Variants in FYN observed in about 807,000 individuals in gnomAD.
FYN encodes tyrosine-protein kinase Fyn.
A neutral mutation model predicts 70.2 loss-of-function variants in FYN; 10 were observed. That is an observed-to-expected ratio of 0.14 (90% CI 0.09 to 0.24). The LOEUF is 0.24. Ranked by LOEUF, FYN falls within the 10% of genes least tolerant of loss-of-function variation. The pLI, the probability that FYN is intolerant of heterozygous loss-of-function variation, is 1.00. For synonymous variants in FYN, 236 were observed against 248.6 expected (o/e 0.95, Z 0.48); for missense variants, 319 against 673.1 (o/e 0.47, Z 5.82).
At chr6:111,734,535 T>G (rs1474776643) in intron 3 of FYN, among the ~76,000 whole-genome samples, 1 of 152,236 alleles carries the variant, frequency 6.6e-6, no homozygotes, top group Non-Finnish European at 1.5e-5. Context: ...CAACCAACTC[T>G]GGCATTCATG....
intron 8 of FYN, among the ~76,000 whole-genome samples, chr6:111,700,556 G>T (rs1366776364): frequency 2.0e-5 from 3 of 152,300 alleles, no homozygotes; most frequent in East Asian, 1.9e-4. Flanking sequence ...TACTCCATGA[G>T]CCCAGGTACG....
intron 2 of FYN, among the ~76,000 whole-genome samples, chr6:111,836,203 C>G (rs1331872181): frequency 1.3e-5 from 2 of 152,176 alleles, no homozygotes; most frequent in African/African-American, 2.4e-5. Context: ...AGAAAGGCAT[C>G]TGAGGTGGCC....
intron 1 of FYN, chr6:111,858,353 C>T (rs1439961618): frequency 4.6e-5 from 7 of 152,214 alleles, no homozygotes; most frequent in African/African-American, 1.7e-4. Context: ...TGCTAGATCT[C>T]AGTGACCCAT....
At chr6:111,816,572 C>T (rs1242892718) in intron 2 of FYN, among the ~76,000 whole-genome samples, 8 of 152,230 alleles carry the variant, frequency 5.3e-5, no homozygotes, top group Admixed American at 2.0e-4. Flanking sequence ...GTTAAAACTC[C>T]CATTCCAAGC....
intron 12 of FYN, among the ~76,000 whole-genome samples, chr6:111,675,784 G>A (rs12192327): frequency 0.19 from 28,533 of 150,988 alleles, 3,499 homozygotes; most frequent in African/African-American, 0.34. Flanking sequence ...CAGAGCAAGA[G>A]TCCGTCTCAG....
At chr6:111,708,199 C>T (rs1022647) in intron 5 of FYN, 179 bp from the exon 6 acceptor site, 77,278 of 549,966 alleles carry the variant, frequency 0.14, 6,611 homozygotes, top group South Asian at 0.33. Flanking sequence ...GGTTCCAGTT[C>T]GAGTCAGCCA....
At chr6:111,815,436 A>C (rs1772455627) in intron 2 of FYN, among the ~76,000 whole-genome samples, 1 of 152,242 alleles carries the variant, frequency 6.6e-6, no homozygotes, top group East Asian at 1.9e-4. Context: ...ATTCCAATAA[A>C]AATTTATTAC....
chr6:111,808,619 T>C (rs1019260979), intron 2 of FYN, among the ~76,000 whole-genome samples: 5 of 152,142 alleles, frequency 3.3e-5, no homozygotes, highest in African/African-American at 1.2e-4. Context: ...TAGAAGTCAA[T>C]TTTCTGGGGC....
At position 111,704,124 on chromosome 6, in the gene FYN, G is replaced by C. The variant is rs773305296; in HGVS notation, c.444-22C>G. The C allele has an allele frequency of 1.9e-6, 3 of 1,594,230 alleles. No homozygotes were observed. The South Asian group carries it at 3.3e-5, about 18-fold the overall frequency. On this transcript the variant is annotated intron_variant, in intron 6 of 13. Coordinates refer to ENST00000354650, the MANE Select transcript of FYN (RefSeq NM_002037.5). ...CCACCTTTAAATTAGATCAAGGAAA[G>C]AAAATATTTTGAAATAGTCATTTAC...
chr6:111,861,295 T>C (rs1773955227), intron 1 of FYN, among the ~76,000 whole-genome samples: 1 of 152,220 alleles, frequency 6.6e-6, no homozygotes, highest in African/African-American at 2.4e-5. Context: ...ATATTGACGC[T>C]GATGTGTACA....
chr6:111,710,721 C>T (rs1438905437), intron 5 of FYN, among the ~76,000 whole-genome samples: 1 of 152,116 alleles, frequency 6.6e-6, no homozygotes. Flanking sequence ...TGAATTAAGT[C>T]ATCTTTTTGA....
chr6:111,737,160 C>T (rs941092458), intron 3 of FYN, among the ~76,000 whole-genome samples: 7 of 152,192 alleles, frequency 4.6e-5, no homozygotes, highest in African/African-American at 1.7e-4. Context: ...CTTCTGACAC[C>T]AGATGTGTGG....
chr6:111,672,955 G>A (rs993698333), intron 13 of FYN, among the ~76,000 whole-genome samples: 1 of 152,104 alleles, frequency 6.6e-6, no homozygotes, highest in Non-Finnish European at 1.5e-5. Context: ...TGGTTTCTGT[G>A]TGAGACCCTG....
At chr6:111,865,495 G>T (rs1774079582) in intron 1 of FYN, among the ~76,000 whole-genome samples, 1 of 152,134 alleles carries the variant, frequency 6.6e-6, no homozygotes, top group Non-Finnish European at 1.5e-5. Flanking sequence ...TATTCTTCCA[G>T]GATTACTGCG....
chr6:111,860,226 CTTAA>C (rs1203490758), intron 1 of FYN, among the ~76,000 whole-genome samples: 1 of 152,202 alleles, frequency 6.6e-6, no homozygotes, highest in African/African-American at 2.4e-5. Context: ...AAAGGTCTAA[CTTAA>C]TTAAGATCTC....
intron 7 of FYN, 81 bp downstream of exon 7, chr6:111,703,918 C>T (rs776246768): frequency 1.5e-4 from 159 of 1,078,156 alleles, no homozygotes; most frequent in Non-Finnish European, 2.1e-4. Context: ...AATCCTTGTA[C>T]ATTAGAGATA....
At chr6:111,722,973 C>G (rs1191323081) in intron 3 of FYN, among the ~76,000 whole-genome samples, 1 of 152,186 alleles carries the variant, frequency 6.6e-6, no homozygotes, top group African/African-American at 2.4e-5. Flanking sequence ...TAGGTAGAAG[C>G]AGGCAGTTTT....
chr6:111,854,695 G>T (rs906631246), intron 1 of FYN, among the ~76,000 whole-genome samples: 4 of 152,160 alleles, frequency 2.6e-5, no homozygotes, highest in Non-Finnish European at 5.9e-5. Flanking sequence ...GCAGTGATGA[G>T]CTAAAAAGAA....
intron 8 of FYN, 90 bp downstream of exon 8, chr6:111,702,795 T>G: frequency 7.9e-7 from 1 of 1,264,194 alleles, no homozygotes; most frequent in Non-Finnish European, 1.1e-6. Context: ...TTTGTACATA[T>G]TAGTTTTACC....
Sources: gnomAD v4.1 joint callset for allele counts (sites outside exome capture counted in the v4.1 genomes callset) on GRCh38, gnomAD v4.1.1 for gene constraint, MANE v1.5 for transcripts, NCBI Gene and HGNC (gene_info 2026-07-23, HGNC 2026-07-21) for gene names.